RELCH: variants seen among roughly 807,000 people sequenced by gnomAD.
The protein encoded by RELCH is RAB11 binding and LisH domain, coiled-coil and HEAT repeat containing, also known as RAB11-binding protein RELCH.
RELCH carries 41 observed loss-of-function variants against 150.3 expected under a neutral mutation model. The ratio of observed to expected loss-of-function variants is 0.27; its 90% CI spans 0.21 to 0.35. The LOEUF is 0.35. Ranked by LOEUF, RELCH falls within the 10% of genes least tolerant of loss-of-function variation. RELCH has a pLI of 1.00. For synonymous variants in RELCH, 478 were observed against 531.8 expected, an observed-to-expected ratio of 0.90 and a Z score of 1.39; for missense variants, 1,092 against 1,467.8, an observed-to-expected ratio of 0.74 and a Z score of 4.18.
intron 15 of RELCH, 81 bp from the exon 16 acceptor site, chr18:62,261,430 A>G: frequency 7.6e-7 from 1 of 1,309,208 alleles, no homozygotes; most frequent in Non-Finnish European, 1.1e-6. Context: ...TTGCCACAGT[A>G]AGGAAGAACA....
intron 10 of RELCH, among the ~76,000 whole-genome samples, chr18:62,239,812 T>A (rs760226360): frequency 6.6e-6 from 1 of 152,112 alleles, no homozygotes. Context: ...TTGTTTTACA[T>A]GTTTACGTTA....
intron 11 of RELCH, 114 bp from the exon 12 acceptor site, chr18:62,252,550 T>C (rs1267583791): frequency 6.3e-5 from 45 of 715,550 alleles, no homozygotes; most frequent in Middle Eastern, 2.4e-4. Context: ...TCTAATTTGA[T>C]TGTATAAAAA....
At chr18:62,264,992 TA>T (rs927631030) in intron 18 of RELCH, 140 bp downstream of exon 18, 59 of 634,622 alleles carry the variant, frequency 9.3e-5, no homozygotes, top group South Asian at 8.9e-4. Flanking sequence ...ACTATGATAG[TA>T]AAAAAAAGTT....
At chr18:62,280,207 G>A (rs1280824359) in intron 23 of RELCH, 1 of 640,448 alleles carries the variant, frequency 1.6e-6, no homozygotes, top group Non-Finnish European at 2.8e-6. Context: ...AAGTGTAGTA[G>A]CATGAACCAA....
At chr18:62,269,931 C>T (rs1477572400) in intron 20 of RELCH, among the ~76,000 whole-genome samples, 1 of 152,098 alleles carries the variant, frequency 6.6e-6, no homozygotes. Flanking sequence ...TTAACCTGTA[C>T]TTTATTTTTC....
Position 62,235,269 on chromosome 18 carries a change from T to G in RELCH, c.1620+2842T>G, listed in dbSNP as rs533223791. Reference sequence around the variant, plus strand: ...CTTGCTACTTTTGTCAAAAATCAGTTGGGCCTAGATTCTTCGGGTTTATTT... The same window carrying G: ...CTTGCTACTTTTGTCAAAAATCAGTGGGGCCTAGATTCTTCGGGTTTATTT... On this transcript the variant is annotated intron_variant, in intron 10 of 28. Coordinates refer to ENST00000644646, the MANE Select transcript of RELCH (RefSeq NM_001346231.2). The G allele has an allele frequency of 3.3e-5, 5 of 152,212 alleles. No individual in the cohort carries two copies. The East Asian group carries it at 9.7e-4, about 29-fold the overall frequency. The allele number at this position is 152,212 out of a possible 1,614,324, so 9.4% of individuals were successfully genotyped here.
intron 18 of RELCH, among the ~76,000 whole-genome samples, chr18:62,265,671 T>G (rs2043518016): frequency 6.6e-6 from 1 of 152,050 alleles, no homozygotes; most frequent in South Asian, 2.1e-4. Context: ...TTCAGAAGAC[T>G]TGGGTTATGG....
At chr18:62,254,682 T>C (rs955441021) in intron 12 of RELCH, 1 of 152,178 alleles carries the variant, frequency 6.6e-6, no homozygotes, top group Admixed American at 6.6e-5. Context: ...ATTTTTTTTC[T>C]TAATTTTAGG....
At chr18:62,267,484 ATGTG>A (rs36203741) in intron 19 of RELCH, among the ~76,000 whole-genome samples, 46,939 of 135,464 alleles carry the variant, frequency 0.35, 8,057 homozygotes, top group East Asian at 0.57. Flanking sequence ...CTAGGTATAT[ATGTG>A]TGTGTGTGTG....
rs68067609 is a variant in RELCH, at chr18:62,253,267, T to TTGTGTGTGTG, written c.1824+549_1824+558dup. Among the ~76,000 whole-genome samples, 876 of 136,512 alleles carry TTGTGTGTGTG rather than the reference T, an allele frequency of 6.4e-3. 8 individuals carry two copies. The highest frequency in any genetic ancestry group is 8.2e-3 in the African/African-American group (310 of 37,910). 89.6% of individuals were successfully genotyped at this position (136,512 alleles called of 152,430 possible). On this transcript the variant is annotated intron_variant, in intron 12 of 28. Coordinates refer to ENST00000644646, the MANE Select transcript of RELCH (RefSeq NM_001346231.2). Reference sequence around the variant, plus strand: ...TATACTTGAAGAAACAGCAAGAAGATTGTGTGTGTGTGTGTGTGTGTGTGT... The same window carrying TTGTGTGTGTG: ...TATACTTGAAGAAACAGCAAGAAGATTGTGTGTGTGTGTGTGTGTGTGTGTGTGTGTGTGT...
chr18:62,226,595 AGACT>A (rs2041231005), intron 5 of RELCH, among the ~76,000 whole-genome samples: 1 of 152,144 alleles, frequency 6.6e-6, no homozygotes, highest in African/African-American at 2.4e-5. Context: ...TTATGTACTG[AGACT>A]TCCTTAATCT....
At position 62,309,707 on chromosome 18, in the gene RELCH, T is replaced by C. The variant is rs1281016799; in HGVS notation, c.*4173T>C. 6.6e-6 allele frequency: 1 copy of C among 152,206 alleles called. No homozygotes were observed. Among genetic ancestry groups the C allele is most frequent in the Non-Finnish European group, 1.5e-5 (1 of 68,032 alleles). The allele number at this position is 152,206 out of a possible 1,614,324, so 9.4% of individuals were successfully genotyped here. ...TCTGGGAAATTCTGTCCCCCGCATA[T>C]CTACATGGAGAACTATATTACTATT... is the stretch of plus-strand genomic sequence containing the variant. On this transcript the variant is annotated 3_prime_UTR_variant, in exon 29 of 29. Coordinates refer to ENST00000644646, the MANE Select transcript of RELCH (RefSeq NM_001346231.2).
rs557022936 is a variant in RELCH, at chr18:62,246,183, C to T, written c.1733+1307C>T. 2.0e-5 allele frequency: 3 copies of T among 152,260 alleles called. No individual in the cohort carries two copies. In the South Asian group the frequency reaches 6.2e-4, roughly 32 times the overall value. 9.4% of individuals were successfully genotyped at this position (152,260 alleles called of 1,614,324 possible). ...TTGCATCAAACCATTTATCGTAAAA[C>T]ATTGAGGTGCAGTTTTTATACACAA... On this transcript the variant is annotated intron_variant, in intron 11 of 28. Coordinates refer to ENST00000644646, the MANE Select transcript of RELCH (RefSeq NM_001346231.2).
intron 28 of RELCH, among the ~76,000 whole-genome samples, chr18:62,299,578 T>C (rs767085979): frequency 6.6e-6 from 1 of 152,196 alleles, no homozygotes; most frequent in Non-Finnish European, 1.5e-5. Flanking sequence ...CTTTGATGTG[T>C]TAGAACCCTT....
At chr18:62,222,445 T>C (rs1181286393) in intron 5 of RELCH, among the ~76,000 whole-genome samples, 1 of 151,876 alleles carries the variant, frequency 6.6e-6, no homozygotes, top group Non-Finnish European at 1.5e-5. Context: ...TAGGAAAGAT[T>C]TTGAATATGT....
At position 62,261,610 on chromosome 18, in the gene RELCH, C is replaced by T; in HGVS notation, c.2302C>T (p.Pro768Ser). The change falls in exon 16 of 29, where the codon CCT becomes TCT. Residue 768 changes from proline (P) to serine (S), a missense_variant. By Grantham distance (74) the Pro-to-Ser change is moderately conservative. Around this residue, in one of 4 missense-constraint regions of RELCH, gnomAD observed 707 missense variants for 1,025.4 expected, o/e 0.69. Transcript: ENST00000644646. ...CTTTGCATTAGTGCTACAGAATGCA[C>T]CTTTCTCCAGCAAAGCCAAGCTTCA... is the stretch of plus-strand genomic sequence containing the variant. ...SLFALVLQNA[P>S]FSSKAKLHGE... 2 of 1,611,454 alleles carry T rather than the reference C, an allele frequency of 1.2e-6. No individual in the cohort carries two copies. Among genetic ancestry groups the T allele is most frequent in the Non-Finnish European group, 8.5e-7 (1 of 1,178,456 alleles).
intron 12 of RELCH, among the ~76,000 whole-genome samples, chr18:62,254,901 G>A (rs554626386): frequency 6.6e-6 from 1 of 152,260 alleles, no homozygotes; most frequent in South Asian, 2.1e-4. Context: ...TTTGCAAACA[G>A]AGGAATGGAT....
chr18:62,222,593 G>GTCCTTCTCGA (rs1672748611), intron 5 of RELCH, among the ~76,000 whole-genome samples: 1 of 151,954 alleles, frequency 6.6e-6, no homozygotes, highest in Non-Finnish European at 1.5e-5. Flanking sequence ...AAGTGTAAAT[G>GTCCTTCTCGA]ATTAGTCCTT....
chr18:62,218,435 G>C (rs5012758), intron 2 of RELCH, among the ~76,000 whole-genome samples: 14,924 of 151,934 alleles, frequency 0.098, 867 homozygotes, highest in East Asian at 0.19. Flanking sequence ...GTGATGAATT[G>C]AGTTGGACAA....
Sources: allele counts gnomAD v4.1 joint callset (sites outside exome capture counted in the v4.1 genomes callset), GRCh38; gene constraint gnomAD v4.1.1; regional missense constraint gnomAD v4.1.1; transcripts MANE v1.5; gene names NCBI Gene and HGNC (gene_info 2026-07-23, HGNC 2026-07-21).